ETFB: variants seen among roughly 807,000 people sequenced by gnomAD.
ETFB encodes the protein beta-ETF.
A neutral mutation model predicts 25.6 loss-of-function variants in ETFB; 20 were observed. That is an observed-to-expected ratio of 0.78 (90% CI 0.55 to 1.14). ETFB has a LOEUF of 1.14. Ranked by LOEUF, ETFB falls within the 50% of genes most tolerant of loss-of-function variation. The pLI is 0.00. For missense variants in ETFB, 286 were observed against 342.6 expected (o/e 0.83, Z 1.30); for synonymous variants, 142 against 146.7 (o/e 0.97, Z 0.23).
chr19:51,365,776 A>G lies in ETFB; in HGVS notation c.57+494T>C, dbSNP rs549711346. On this transcript the variant is annotated intron_variant, in intron 1 of 5. Coordinates refer to ENST00000309244, the MANE Select transcript of ETFB (RefSeq NM_001985.3). ...GAGCCTCCTGGCTCACCCTGTGGCTATGGAGGGTGGAAAGCAGCTTCTGGG... is the reference window on the plus strand; with the variant it reads ...GAGCCTCCTGGCTCACCCTGTGGCTGTGGAGGGTGGAAAGCAGCTTCTGGG... Among the ~76,000 whole-genome samples, 9 of 152,238 alleles carry G rather than the reference A, an allele frequency of 5.9e-5. No individual in the cohort carries two copies. In the South Asian group the frequency reaches 1.9e-3, roughly 32 times the overall value.
At position 51,353,274 on chromosome 19, in the gene ETFB, G is replaced by T; in HGVS notation, c.233C>A (p.Ala78Asp). Reference protein sequence around the residue: ...PAQCQETIRTALAMGADRGIH... With the variant: ...PAQCQETIRTDLAMGADRGIH... ...ACCTCGGTCTGCACCCATGGCCAGG[G>T]CGGTACGAATCGTCTCCTGCCAAGG... Residue 78 changes from alanine (A) to aspartate (D), a missense_variant, in exon 3 of 6, where the codon GCC becomes GAC. By Grantham distance (126) the Ala-to-Asp change is moderately radical. Coordinates refer to ENST00000309244, the MANE Select transcript of ETFB (RefSeq NM_001985.3). 2 of 1,614,048 alleles carry T rather than the reference G, an allele frequency of 1.2e-6. No individual in the cohort carries two copies. The highest frequency in any genetic ancestry group is 2.2e-5 in the South Asian group (2 of 91,092).
intron 1 of ETFB, among the ~76,000 whole-genome samples, chr19:51,364,025 G>T (rs11882573): frequency 6.6e-6 from 1 of 152,188 alleles, no homozygotes; most frequent in Admixed American, 6.5e-5. Context: ...TGTCCTGAGG[G>T]TGCTGGGGAG....
intron 3 of ETFB, among the ~76,000 whole-genome samples, chr19:51,351,412 C>T (rs1985930894): frequency 6.6e-6 from 1 of 152,230 alleles, no homozygotes; most frequent in Admixed American, 6.5e-5. Flanking sequence ...AATAAATTCG[C>T]TTTCTGGCTT....
rs76144928 is a variant in ETFB, at chr19:51,359,265, C to T, written c.58-4957G>A. Reference sequence around the variant, plus strand: ...TAGAGAAAGGATTTCCCCGTGTTTCCCAGGCTGGTCTGGAACTCCTGGCCT... The same window carrying T: ...TAGAGAAAGGATTTCCCCGTGTTTCTCAGGCTGGTCTGGAACTCCTGGCCT... On this transcript the variant is annotated intron_variant, in intron 1 of 5. Transcript: ENST00000309244. 5.6e-3 allele frequency among the ~76,000 whole-genome samples: 844 copies of T among 151,740 alleles called. 8 individuals are homozygous for T. Among genetic ancestry groups the T allele is most frequent in the South Asian group, 0.031 (150 of 4,796 alleles).
intron 1 of ETFB, among the ~76,000 whole-genome samples, chr19:51,358,839 A>C (rs868266519): frequency 0.051 from 7,570 of 147,938 alleles, 560 homozygotes; most frequent in African/African-American, 0.16. Flanking sequence ...AACAAAAAAA[A>C]AAAAAAAAAA....
chr19:51,354,558 T>C, intron 1 of ETFB: 1 of 1,614,220 alleles, frequency 6.2e-7, no homozygotes, highest in Non-Finnish European at 8.5e-7. Context: ...TCATCCCTAC[T>C]GTTGTCACTG....
At chr19:51,347,187 C>T (rs1296476115) in intron 4 of ETFB, 129 bp from the exon 5 acceptor site, 3 of 939,372 alleles carry the variant, frequency 3.2e-6, no homozygotes, top group Admixed American at 2.0e-5. Flanking sequence ...AATGCAGGGT[C>T]CCATGAGGTT....
At chr19:51,346,832 G>T (rs934662039) in intron 5 of ETFB, 68 bp downstream of exon 5, 2 of 1,464,698 alleles carry the variant, frequency 1.4e-6, no homozygotes, top group East Asian at 2.5e-5. Context: ...TGCGACCACC[G>T]GGGGGCACTG....
At chr19:51,356,995 C>T (rs988404649) in intron 1 of ETFB, 1 of 152,102 alleles carries the variant, frequency 6.6e-6, no homozygotes, top group Non-Finnish European at 1.5e-5. Context: ...GCATTCAGGG[C>T]CCACCTAAAT....
chr19:51,366,264 G>A lies in ETFB; in HGVS notation c.57+6C>T. On this transcript the variant is annotated splice_donor_region_variant and intron_variant, in intron 1 of 5. Coordinates refer to ENST00000309244, the MANE Select transcript of ETFB (RefSeq NM_001985.3). ...TCAGGGATGTGGGAGAGGGGGGCCC[G>A]ATCACCTTCACGGCGTAGTCGATGA... 1 of 1,613,776 alleles carries A rather than the reference G, an allele frequency of 6.2e-7. No homozygotes were observed. The highest frequency in any genetic ancestry group is 8.5e-7 in the Non-Finnish European group (1 of 1,179,744).
intron 4 of ETFB, among the ~76,000 whole-genome samples, chr19:51,349,203 A>G (rs1362528305): frequency 6.6e-6 from 1 of 152,178 alleles, no homozygotes; most frequent in Non-Finnish European, 1.5e-5. Context: ...CTCAGCTATG[A>G]TATTTGGTAG....
At chr19:51,352,414 G>A (rs7257741) in intron 3 of ETFB, among the ~76,000 whole-genome samples, 1,775 of 152,040 alleles carry the variant, frequency 0.012, 33 homozygotes, top group African/African-American at 0.04. Context: ...GTTCTTCCTG[G>A]GTTTCCTACC....
Position 51,346,881 on chromosome 19 carries a change from C to T in ETFB, c.597+19G>A. On this transcript the variant is annotated intron_variant, in intron 5 of 5. Coordinates refer to ENST00000309244, the MANE Select transcript of ETFB (RefSeq NM_001985.3). Reference sequence around the variant, plus strand: ...CTTGCCACCCCCAGGCCCTCAGTGCCCGCTGGCCAGGGGCTCACCATGATG... The same window carrying T: ...CTTGCCACCCCCAGGCCCTCAGTGCTCGCTGGCCAGGGGCTCACCATGATG... The T allele has an allele frequency of 6.5e-7, 1 of 1,545,472 alleles. No individual in the cohort carries two copies. The highest frequency in any genetic ancestry group is 1.2e-5 in the South Asian group (1 of 84,036).
Position 51,350,142 on chromosome 19 carries a change from G to A in ETFB, c.438+187C>T, listed in dbSNP as rs12977906. ...TGAGTATTTCACGTAGGATGGCAAG[G>A]AAGGCCCCTTTGAAGAGGTGATACC... is the stretch of plus-strand genomic sequence containing the variant. On this transcript the variant is annotated intron_variant, in intron 4 of 5. Transcript: ENST00000309244. 250,914 of 622,468 alleles carry A rather than the reference G, an allele frequency of 0.4. 56,744 individuals are homozygous for A. The highest frequency in any genetic ancestry group is 0.49 in the Non-Finnish European group (172,455 of 352,802). 38.6% of individuals were successfully genotyped at this position (622,468 alleles called of 1,614,324 possible).
Position 51,350,211 on chromosome 19 carries a change from A to G in ETFB, c.438+118T>C. On this transcript the variant is annotated intron_variant, in intron 4 of 5. Transcript: ENST00000309244. ...AGGGGAACAAGAAAGCCATGAGGCAATCCGAGGGAACAGTGTTCCAGGAGG... is the reference window on the plus strand; with the variant it reads ...AGGGGAACAAGAAAGCCATGAGGCAGTCCGAGGGAACAGTGTTCCAGGAGG... 11 of 1,155,038 alleles carry G rather than the reference A, an allele frequency of 9.5e-6. No individual in the cohort carries two copies. The South Asian group carries it at 1.4e-4, about 15-fold the overall frequency. 71.5% of individuals were successfully genotyped at this position (1,155,038 alleles called of 1,614,324 possible).
chr19:51,360,548 C>A (rs551604161), intron 1 of ETFB, among the ~76,000 whole-genome samples: 1 of 152,332 alleles, frequency 6.6e-6, no homozygotes, highest in Admixed American at 6.5e-5. Context: ...TCTCATTTTA[C>A]AGATGAGGCA....
chr19:51,351,594 C>G (rs1364537108), intron 3 of ETFB, among the ~76,000 whole-genome samples: 1 of 152,266 alleles, frequency 6.6e-6, no homozygotes, highest in Non-Finnish European at 1.5e-5. Flanking sequence ...AAAGGCCATG[C>G]TTCCAGCACC....
At chr19:51,351,355 G>A (rs1279374281) in intron 3 of ETFB, among the ~76,000 whole-genome samples, 2 of 152,250 alleles carry the variant, frequency 1.3e-5, no homozygotes, top group African/African-American at 4.8e-5. Context: ...CAGCTCATAT[G>A]TGACCCTGGA....
chr19:51,346,831 C>CG (rs1312789678), intron 5 of ETFB, 69 bp downstream of exon 5: 11 of 1,472,236 alleles, frequency 7.5e-6, no homozygotes, highest in South Asian at 4.9e-5. Flanking sequence ...GTGCGACCAC[C>CG]GGGGGGCACT....
Sources: allele counts gnomAD v4.1 joint callset (sites outside exome capture counted in the v4.1 genomes callset), GRCh38; gene constraint gnomAD v4.1.1; transcripts MANE v1.5; gene names NCBI Gene and HGNC (gene_info 2026-07-23, HGNC 2026-07-21).